HECTD2: variants seen among roughly 807,000 people sequenced by gnomAD.
HECTD2 encodes the protein probable E3 ubiquitin-protein ligase HECTD2.
HECTD2 carries 35 observed loss-of-function variants against 103.2 expected under a neutral mutation model. That is an observed-to-expected ratio of 0.34 (90% CI 0.26 to 0.45). The LOEUF is 0.45. HECTD2 is among the 20% of genes least tolerant of loss of function. The pLI, the probability that HECTD2 is intolerant of heterozygous loss-of-function variation, is 1.00. For missense variants in HECTD2, 596 were observed against 937.4 expected (o/e 0.64, Z 4.76); for synonymous variants, 281 against 329.9 (o/e 0.85, Z 1.61).
intron 6 of HECTD2, among the ~76,000 whole-genome samples, chr10:91,480,020 G>T (rs1846036670): frequency 6.6e-6 from 1 of 151,878 alleles, no homozygotes; most frequent in Non-Finnish European, 1.5e-5. Context: ...TAAGAAAATT[G>T]ACCTTTTTGT....
chr10:91,450,226 C>G (rs977680684), intron 2 of HECTD2, among the ~76,000 whole-genome samples: 1 of 152,118 alleles, frequency 6.6e-6, no homozygotes, highest in Non-Finnish European at 1.5e-5. Flanking sequence ...TGCCACACAT[C>G]TACAGTAATC....
chr10:91,451,452 T>C (rs2133157032), intron 2 of HECTD2, among the ~76,000 whole-genome samples: 1 of 152,088 alleles, frequency 6.6e-6, no homozygotes, highest in Admixed American at 6.6e-5. Flanking sequence ...GAAACCACCA[T>C]GGCATATGTA....
intron 2 of HECTD2, among the ~76,000 whole-genome samples, chr10:91,429,025 A>G (rs1189974460): frequency 6.6e-6 from 1 of 152,100 alleles, no homozygotes; most frequent in Non-Finnish European, 1.5e-5. Flanking sequence ...TGTCATAGAT[A>G]GCTCTTATTA....
At position 91,513,789 on chromosome 10, in the gene HECTD2, T is replaced by G. The variant is rs1048906509; in HGVS notation, c.*1405T>G. The G allele has an allele frequency of 2.6e-5, 4 of 152,650 alleles. No individual in the cohort carries two copies. The highest frequency in any genetic ancestry group is 9.6e-5 in the African/African-American group (4 of 41,460). 9.5% of individuals were successfully genotyped at this position (152,650 alleles called of 1,614,324 possible). The stretch of plus-strand genomic sequence containing the variant: ...TCTGGGCTAGGCTATTTTCTTGCTA[T>G]GCTTCCTGCACCCAACCAGCAGAAT... On this transcript the variant is annotated 3_prime_UTR_variant, in exon 21 of 21. Transcript: ENST00000298068.
At chr10:91,485,988 C>T (rs534949777) in intron 10 of HECTD2, 6 of 152,202 alleles carry the variant, frequency 3.9e-5, no homozygotes, top group African/African-American at 1.4e-4. Flanking sequence ...ATACACTGCA[C>T]TTTATATCCA....
At position 91,514,095 on chromosome 10, in the gene HECTD2, GC is replaced by G. The variant is rs1230019272; in HGVS notation, c.*1712del. 9 of 152,494 alleles carry G rather than the reference GC, an allele frequency of 5.9e-5. No homozygotes were observed. Among genetic ancestry groups the G allele is most frequent in the Admixed American group, 2.0e-4 (3 of 15,252 alleles). 9.4% of individuals were successfully genotyped at this position (152,494 alleles called of 1,614,324 possible). A position where few individuals can be genotyped will look rare whatever the true frequency, so the allele number is the denominator to read the frequency against. ...TTACACTGCTTGAACTAGAAAATCA[GC>G]TTTTTAATGTAGGTTACCACTTATA... On this transcript the variant is annotated 3_prime_UTR_variant, in exon 21 of 21. Transcript: ENST00000298068.
chr10:91,493,391 A>G, intron 13 of HECTD2, 29 bp from the exon 14 acceptor site: 1 of 1,266,364 alleles, frequency 7.9e-7, no homozygotes, highest in Non-Finnish European at 1.1e-6. Flanking sequence ...AATCATGTTA[A>G]TAATAACATT....
At chr10:91,455,916 T>C (rs1429404886) in intron 2 of HECTD2, among the ~76,000 whole-genome samples, 3 of 152,054 alleles carry the variant, frequency 2.0e-5, no homozygotes, top group East Asian at 1.9e-4. Context: ...GGCTCTGTTC[T>C]GTTCCATTGG....
intron 11 of HECTD2, chr10:91,489,373 C>T (rs778205511): frequency 6.6e-6 from 1 of 152,116 alleles, no homozygotes; most frequent in Non-Finnish European, 1.5e-5. Context: ...GACAATCTTA[C>T]AAATAGTCAG....
Position 91,487,658 on chromosome 10 carries a change from T to C in HECTD2, c.1095-24T>C. The C allele has an allele frequency of 6.6e-7, 1 of 1,520,016 alleles. No homozygotes were observed. Among genetic ancestry groups the C allele is most frequent in the Non-Finnish European group, 9.1e-7 (1 of 1,094,536 alleles). The allele number at this position is 1,520,016 out of a possible 1,614,324, so 94.2% of individuals were successfully genotyped here. On this transcript the variant is annotated intron_variant, in intron 10 of 20. Transcript: ENST00000298068. This position sits in a 1 kb window ranked among gnomAD's most constrained non-coding sequence, Gnocchi z 4.1. ...TGTTAAAAATACACCATTTTGCTTT[T>C]TCTTTTTTTCACTTGTTGAGCAGGT...
At chr10:91,493,797 A>T (rs1846563970) in intron 14 of HECTD2, among the ~76,000 whole-genome samples, 1 of 151,928 alleles carries the variant, frequency 6.6e-6, no homozygotes, top group African/African-American at 2.4e-5. Context: ...GCATTTTTTA[A>T]AAAAAATCAA....
intron 2 of HECTD2, among the ~76,000 whole-genome samples, chr10:91,440,726 A>G (rs1300306242): frequency 1.3e-5 from 1 of 77,276 alleles, no homozygotes; most frequent in Non-Finnish European, 2.6e-5. Flanking sequence ...TTTGGTTGGT[A>G]GGCTATTAAT....
At chr10:91,490,890 CAAAAAAAAAAAAA>C (rs61035151) in intron 11 of HECTD2, among the ~76,000 whole-genome samples, 45 of 13,598 alleles carry the variant, frequency 3.3e-3, no homozygotes, top group South Asian at 7.7e-3. Context: ...GACTCCGTCT[CAAAAAAAAAAAAA>C]AAAAAAAAAA....
intron 2 of HECTD2, among the ~76,000 whole-genome samples, chr10:91,444,916 A>G (rs1280756731): frequency 1.3e-5 from 2 of 152,208 alleles, no homozygotes; most frequent in Non-Finnish European, 2.9e-5. Context: ...GATAAGCAGT[A>G]ATCGTTTTCC....
chr10:91,510,326 C>T (rs1401023592), intron 20 of HECTD2, among the ~76,000 whole-genome samples: 1 of 152,124 alleles, frequency 6.6e-6, no homozygotes, highest in Non-Finnish European at 1.5e-5. Flanking sequence ...TCTGGTTGTC[C>T]TTAAGCAGCT....
At chr10:91,480,827 C>T (rs1846064504) in intron 6 of HECTD2, among the ~76,000 whole-genome samples, 1 of 151,972 alleles carries the variant, frequency 6.6e-6, no homozygotes, top group Non-Finnish European at 1.5e-5. Flanking sequence ...ACACACCTAA[C>T]TACTTCCAGA....
chr10:91,454,815 C>T (rs543769529), intron 2 of HECTD2, among the ~76,000 whole-genome samples: 12 of 151,418 alleles, frequency 7.9e-5, no homozygotes, highest in South Asian at 6.3e-4. Context: ...TGAGAACATG[C>T]GGTGTTTGGT....
At chr10:91,472,797 GA>G (rs948858160) in intron 5 of HECTD2, among the ~76,000 whole-genome samples, 14 of 152,048 alleles carry the variant, frequency 9.2e-5, no homozygotes, top group Non-Finnish European at 1.9e-4. Context: ...TTGAGATTAT[GA>G]ACATGAGACT....
chr10:91,468,884 T>C (rs1777457464), intron 5 of HECTD2, among the ~76,000 whole-genome samples: 1 of 145,220 alleles, frequency 6.9e-6, no homozygotes, highest in Non-Finnish European at 1.5e-5. Context: ...TGTGGTGAGC[T>C]ATGATTGCAC....
Sources: allele counts gnomAD v4.1 joint callset (sites outside exome capture counted in the v4.1 genomes callset), GRCh38; gene constraint gnomAD v4.1.1; non-coding constraint Gnocchi (gnomAD v3.1); transcripts MANE v1.5; gene names NCBI Gene and HGNC (gene_info 2026-07-23, HGNC 2026-07-21).